L3MBTL1: variants seen among roughly 807,000 people sequenced by gnomAD.
L3MBTL1 encodes lethal(3)malignant brain tumor-like protein 1.
A neutral mutation model predicts 105.3 loss-of-function variants in L3MBTL1; 75 were observed. That is an observed-to-expected ratio of 0.71 (90% CI 0.59 to 0.86). L3MBTL1 has a LOEUF of 0.86. L3MBTL1 is among the 40% of genes least tolerant of loss of function. The probability of loss-of-function intolerance (pLI) is 0.00; values close to 1 mark genes in which losing one functional copy is unlikely to be tolerated. For missense variants in L3MBTL1, 1,069 were observed against 1,126.4 expected (o/e 0.95, Z 0.73); for synonymous variants, 452 against 436.2 (o/e 1.04, Z -0.45).
downstream of L3MBTL1, among the ~76,000 whole-genome samples, chr20:43,544,364 T>C (rs534058458): frequency 8.5e-5 from 13 of 152,238 alleles, no homozygotes; most frequent in Non-Finnish European, 1.6e-4. Context: ...AGGCTGTTGC[T>C]TAGGGTGGAT....
chr20:43,521,668 A>C (rs1245361844), intron 7 of L3MBTL1, among the ~76,000 whole-genome samples: 1 of 152,204 alleles, frequency 6.6e-6, no homozygotes. Flanking sequence ...TTAAGAAAGG[A>C]ATTCATCAAA....
downstream of L3MBTL1, among the ~76,000 whole-genome samples, chr20:43,543,676 C>CT (rs756147797): frequency 2.0e-5 from 3 of 152,116 alleles, no homozygotes; most frequent in Non-Finnish European, 4.4e-5. Flanking sequence ...CTCTCTCTGG[C>CT]TTAACTGATG....
intron 7 of L3MBTL1, among the ~76,000 whole-genome samples, chr20:43,524,984 G>T (rs1644143928): frequency 6.6e-6 from 1 of 152,102 alleles, no homozygotes; most frequent in Non-Finnish European, 1.5e-5. Context: ...TAGAATAAGT[G>T]TGAGGCAGAG....
chr20:43,515,559 C>A, intron 6 of L3MBTL1, 144 bp downstream of exon 6: 1 of 1,032,112 alleles, frequency 9.7e-7, no homozygotes, highest in Non-Finnish European at 1.4e-6. Flanking sequence ...GGGTCCCATC[C>A]TGAGTTAGGT....
intron 3 of L3MBTL1, 26 bp downstream of exon 3, chr20:43,514,087 G>A (rs1311306606): frequency 1.3e-6 from 2 of 1,521,980 alleles, no homozygotes; most frequent in East Asian, 4.9e-5. Context: ...GATTGGCTAA[G>A]CCTCGTAAAC....
chr20:43,542,074 G>A (rs2019940943), downstream of L3MBTL1, among the ~76,000 whole-genome samples: 1 of 152,206 alleles, frequency 6.6e-6, no homozygotes, highest in African/African-American at 2.4e-5. Context: ...ACTGGGTGTG[G>A]TGGCATGCAC....
Position 43,541,009 on chromosome 20 carries a change from T to C in L3MBTL1, c.2470T>C (p.Cys824Arg), listed in dbSNP as rs2019888969. The part of the protein sequence containing the change: ...WTVAQLGDLV[C>R]SDHLQEGKGI... ...TGTGGCCCAGCTTGGGGACCTTGTG[T>C]GCTCAGATCATCTTCAGGAAGGAAA... Residue 824 changes from cysteine to arginine, a missense_variant, in exon 22 of 22, where the codon TGC (cysteine) becomes CGC (arginine). Transcript: ENST00000418998. The C allele has an allele frequency of 1.2e-6, 2 of 1,614,082 alleles. No individual in the cohort carries two copies. Among genetic ancestry groups the C allele is most frequent in the African/African-American group, 2.7e-5 (2 of 74,932 alleles).
rs190748381 is a variant in L3MBTL1 at position 43,509,195 on chromosome 20, T to C, written c.-29+1451T>C. Among the ~76,000 whole-genome samples, 722 of 152,036 alleles carry C rather than the reference T, an allele frequency of 4.7e-3. 3 individuals are homozygous for C. Among genetic ancestry groups the C allele is most frequent in the Non-Finnish European group, 6.7e-3 (453 of 67,978 alleles). On this transcript the variant is annotated intron_variant, in intron 1 of 21. Transcript: ENST00000418998. ...ATGTGGTTTTTTCTTTTTTCTTTCT[T>C]TCTCTCTCTCTCCTTCCTTCCTTCC...
chr20:43,529,376 G>A lies in L3MBTL1; in HGVS notation c.1056+8G>A. On this transcript the variant is annotated splice_region_variant and intron_variant, in intron 9 of 21. Coordinates refer to ENST00000418998, the MANE Select transcript of L3MBTL1 (RefSeq NM_001377303.1). ...ATCCTCACCGTGGCTGAGGTGAGCT[G>A]GGGCTTGGTACCACCTTTCTGATGA... 1 of 1,594,222 alleles carries A rather than the reference G, an allele frequency of 6.3e-7. No individual in the cohort carries two copies. Among genetic ancestry groups the A allele is most frequent in the Non-Finnish European group, 8.6e-7 (1 of 1,164,738 alleles).
rs939930888 is a variant in L3MBTL1, at chr20:43,532,712, G to A, written c.1285-61G>A. The A allele has an allele frequency of 8.9e-6, 14 of 1,566,958 alleles. No individual in the cohort carries two copies. The African/African-American group carries it at 1.6e-4, about 18-fold the overall frequency. The stretch of plus-strand genomic sequence containing the variant: ...GAACCTATTCCTTTGTTTGCCAATG[G>A]GCTCTGGGCTGGTCTTAGCCAGCTT... On this transcript the variant is annotated intron_variant, in intron 11 of 21. Coordinates refer to ENST00000418998, the MANE Select transcript of L3MBTL1 (RefSeq NM_001377303.1).
intron 5 of L3MBTL1, 36 bp downstream of exon 5, chr20:43,515,195 C>T (rs1402526353): frequency 1.2e-6 from 2 of 1,613,992 alleles, no homozygotes; most frequent in African/African-American, 1.3e-5. Flanking sequence ...CTTGCTCTAC[C>T]TTCAGCCCCC....
chr20:43,511,309 G>C (rs1348453032), intron 1 of L3MBTL1, among the ~76,000 whole-genome samples: 1 of 152,180 alleles, frequency 6.6e-6, no homozygotes, highest in Non-Finnish European at 1.5e-5. Context: ...CTAAGTGTTG[G>C]GGATACAGCA....
intron 7 of L3MBTL1, chr20:43,523,540 CA>C: frequency 3.8e-6 from 1 of 264,378 alleles, no homozygotes; most frequent in Non-Finnish European, 7.6e-6. Context: ...CAAACCAGTG[CA>C]AAGGCACTAG....
intron 6 of L3MBTL1, 88 bp downstream of exon 6, chr20:43,515,503 G>A (rs2018343207): frequency 1.3e-6 from 2 of 1,490,456 alleles, no homozygotes; most frequent in Non-Finnish European, 1.8e-6. Context: ...AGATTATGGA[G>A]CTGGGCCAGA....
At chr20:43,530,159 T>G in intron 9 of L3MBTL1, 125 bp from the exon 10 acceptor site, 1 of 1,136,970 alleles carries the variant, frequency 8.8e-7, no homozygotes, top group Non-Finnish European at 1.3e-6. Context: ...GAAAGAAAGG[T>G]GGGGTTGGGG....
At chr20:43,531,279 C>T (rs2019322319) in intron 11 of L3MBTL1, 1 of 177,262 alleles carries the variant, frequency 5.6e-6, no homozygotes. Flanking sequence ...TTTTGCCCAA[C>T]ATTGAGACTC....
rs538643774 is a variant in L3MBTL1 at position 43,530,890 on chromosome 20, G to A, written c.1284+1G>A. ...GCACCTGTTTGTGAGCCAGAGCCACGTGAGTGCCCCTGAGTGAGAGTGGAT... is the reference window on the plus strand; with the variant it reads ...GCACCTGTTTGTGAGCCAGAGCCACATGAGTGCCCCTGAGTGAGAGTGGAT... On this transcript the variant is annotated splice_donor_variant, in intron 11 of 21. Coordinates refer to ENST00000418998, the MANE Select transcript of L3MBTL1 (RefSeq NM_001377303.1). LOFTEE classifies it high-confidence loss of function. The A allele has an allele frequency of 2.5e-6, 4 of 1,612,828 alleles. No individual in the cohort carries two copies. The highest frequency in any genetic ancestry group is 1.1e-5 in the South Asian group (1 of 90,878).
chr20:43,510,969 C>T (rs1166253180), intron 1 of L3MBTL1, among the ~76,000 whole-genome samples: 5 of 152,198 alleles, frequency 3.3e-5, no homozygotes, highest in Admixed American at 2.0e-4. Flanking sequence ...AGCAGTCCTC[C>T]CACCTCAGCC....
chr20:43,533,910 G>T, intron 13 of L3MBTL1, 98 bp from the exon 14 acceptor site: 1 of 838,058 alleles, frequency 1.2e-6, no homozygotes. Context: ...TCTACTCCAA[G>T]GGCTTCTGTC....
Sources: allele counts gnomAD v4.1 joint callset (sites outside exome capture counted in the v4.1 genomes callset), GRCh38; gene constraint gnomAD v4.1.1; transcripts MANE v1.5; gene names NCBI Gene and HGNC (gene_info 2026-07-23, HGNC 2026-07-21).